RAB3C: variants seen among roughly 807,000 people sequenced by gnomAD.
RAB3C encodes the protein RAB3C, member RAS oncogene family.
RAB3C carries 17 observed loss-of-function variants against 26.4 expected under a neutral mutation model. The observed-to-expected ratio is 0.64, with a 90% CI of 0.44 to 0.97. RAB3C has a LOEUF of 0.97. Ranked by LOEUF, RAB3C falls within the 50% of genes least tolerant of loss-of-function variation. The pLI is 0.00. For synonymous variants in RAB3C, 91 were observed against 95.9 expected, an observed-to-expected ratio of 0.95 and a Z score of 0.30; for missense variants, 242 against 281.9, an observed-to-expected ratio of 0.86 and a Z score of 1.01.
chr5:58,632,304 A>T (rs1747199815), intron 2 of RAB3C, among the ~76,000 whole-genome samples: 1 of 152,218 alleles, frequency 6.6e-6, no homozygotes, highest in South Asian at 2.1e-4. Context: ...CAGACCTCAA[A>T]GTGTGGTCCC....
chr5:58,790,027 T>C (rs374816140), intron 3 of RAB3C, among the ~76,000 whole-genome samples: 1 of 152,354 alleles, frequency 6.6e-6, no homozygotes, highest in African/African-American at 2.4e-5. Context: ...GTGATCCTAA[T>C]ATGTAGCCAA....
At chr5:58,762,931 C>T (rs1741828302) in intron 3 of RAB3C, among the ~76,000 whole-genome samples, 1 of 152,008 alleles carries the variant, frequency 6.6e-6, no homozygotes, top group Non-Finnish European at 1.5e-5. Context: ...TTTCTTTACT[C>T]GTGATATGAG....
chr5:58,669,227 G>A (rs1368252228), intron 2 of RAB3C, among the ~76,000 whole-genome samples: 1 of 151,982 alleles, frequency 6.6e-6, no homozygotes, highest in Non-Finnish European at 1.5e-5. Context: ...ATAATTACAA[G>A]CAATGAGTAA....
chr5:58,611,491 C>A (rs1309414131), intron 1 of RAB3C, among the ~76,000 whole-genome samples: 2 of 151,890 alleles, frequency 1.3e-5, no homozygotes, highest in African/African-American at 4.8e-5. Flanking sequence ...GTGATGTTGA[C>A]CTTTTTTTCA....
chr5:58,668,733 T>A (rs942780844), intron 2 of RAB3C, among the ~76,000 whole-genome samples: 13 of 152,162 alleles, frequency 8.5e-5, no homozygotes, highest in Non-Finnish European at 1.9e-4. Flanking sequence ...CTAATCATTT[T>A]TTTTTCTAGT....
intron 2 of RAB3C, chr5:58,689,154 G>A (rs1359871247): frequency 6.6e-6 from 1 of 152,130 alleles, no homozygotes; most frequent in Admixed American, 6.6e-5. Flanking sequence ...GCTACTATGA[G>A]ACGAGACCAG....
At chr5:58,585,656 A>C (rs1376797171) in intron 1 of RAB3C, among the ~76,000 whole-genome samples, 4 of 152,102 alleles carry the variant, frequency 2.6e-5, no homozygotes, top group Admixed American at 6.5e-5. Flanking sequence ...AAAATCATGT[A>C]AGGTCTTTTA....
intron 3 of RAB3C, among the ~76,000 whole-genome samples, chr5:58,783,244 CA>C (rs1742308557): frequency 1.3e-5 from 2 of 152,076 alleles, no homozygotes; most frequent in Admixed American, 6.6e-5. Context: ...GATCAAGGGA[CA>C]TTTTTTTAGA....
intron 2 of RAB3C, among the ~76,000 whole-genome samples, chr5:58,725,562 T>C (rs969910229): frequency 1.5e-4 from 23 of 152,064 alleles, no homozygotes; most frequent in African/African-American, 5.5e-4. Context: ...CAATAATTTT[T>C]AGATTTGGTC....
intron 3 of RAB3C, among the ~76,000 whole-genome samples, chr5:58,763,135 T>C (rs1322420070): frequency 6.6e-6 from 1 of 152,142 alleles, no homozygotes; most frequent in African/African-American, 2.4e-5. Context: ...TTACAATGAA[T>C]TACAAAATAG....
At chr5:58,609,170 C>T (rs1213784852) in intron 1 of RAB3C, among the ~76,000 whole-genome samples, 2 of 152,068 alleles carry the variant, frequency 1.3e-5, no homozygotes, top group Non-Finnish European at 2.9e-5. Flanking sequence ...GCACATGTAC[C>T]TAGAACTTAA....
chr5:58,634,693 C>T lies in RAB3C; in HGVS notation c.252+16823C>T, dbSNP rs1436419892. Reference sequence around the variant, plus strand: ...AAAACTACTAAATCAGAGTGCCCCACCATCACCACCTCAGGTCACACCTCC... The same window carrying T: ...AAAACTACTAAATCAGAGTGCCCCATCATCACCACCTCAGGTCACACCTCC... On this transcript the variant is annotated intron_variant, in intron 2 of 4. Coordinates refer to ENST00000282878, the MANE Select transcript of RAB3C (RefSeq NM_138453.4). Among the ~76,000 whole-genome samples the T allele has an allele frequency of 2.6e-5, 4 of 152,140 alleles. No individual in the cohort carries two copies. In the East Asian group the frequency reaches 7.7e-4, roughly 29 times the overall value.
intron 3 of RAB3C, among the ~76,000 whole-genome samples, chr5:58,805,424 A>G (rs1014482900): frequency 6.6e-6 from 1 of 151,982 alleles, no homozygotes; most frequent in Non-Finnish European, 1.5e-5. Flanking sequence ...ATCCCTACTA[A>G]AAATACAAAA....
chr5:58,618,788 A>G (rs1003066534), intron 2 of RAB3C, among the ~76,000 whole-genome samples: 3 of 152,246 alleles, frequency 2.0e-5, no homozygotes, highest in Admixed American at 2.0e-4. Context: ...ATTCCTTTGT[A>G]CCTCTGCCAC....
At chr5:58,740,300 C>T (rs911950857) in intron 3 of RAB3C, among the ~76,000 whole-genome samples, 3 of 152,158 alleles carry the variant, frequency 2.0e-5, no homozygotes, top group Admixed American at 6.5e-5. Context: ...TTTGCAAGTT[C>T]GTGTTTTATT....
Position 58,858,815 on chromosome 5 carries a change from C to G in RAB3C, c.*7464C>G, listed in dbSNP as rs929965916. Reference sequence around the variant, plus strand: ...TGAGGAAGACAAGCTGTTGCATTATCATATTCCTCTGTGCTGAGCAGCTCA... The same window carrying G: ...TGAGGAAGACAAGCTGTTGCATTATGATATTCCTCTGTGCTGAGCAGCTCA... On this transcript the variant is annotated 3_prime_UTR_variant, in exon 5 of 5. Coordinates refer to ENST00000282878, the MANE Select transcript of RAB3C (RefSeq NM_138453.4). The G allele has an allele frequency of 6.6e-6, 1 of 152,210 alleles. No homozygotes were observed. The highest frequency in any genetic ancestry group is 2.4e-5 in the African/African-American group (1 of 41,458). The allele number at this position is 152,210 out of a possible 1,614,324, so 9.4% of individuals were successfully genotyped here.
At chr5:58,590,010 T>C (rs1473993490) in intron 1 of RAB3C, among the ~76,000 whole-genome samples, 3 of 152,218 alleles carry the variant, frequency 2.0e-5, no homozygotes, top group Non-Finnish European at 4.4e-5. Context: ...TTTCCTAGAC[T>C]GTCCAGATCA....
chr5:58,706,072 A>T (rs938867154), intron 2 of RAB3C, among the ~76,000 whole-genome samples: 2 of 152,232 alleles, frequency 1.3e-5, no homozygotes, highest in Non-Finnish European at 2.9e-5. Flanking sequence ...AAATGCAAAT[A>T]AAAATAATCA....
Position 58,629,319 on chromosome 5 carries a change from A to T in RAB3C, c.252+11449A>T, listed in dbSNP as rs187381826. 1.4e-4 allele frequency among the ~76,000 whole-genome samples: 22 copies of T among 152,302 alleles called. No homozygotes were observed. The East Asian group carries it at 4.2e-3, about 29-fold the overall frequency. On this transcript the variant is annotated intron_variant, in intron 2 of 4. Coordinates refer to ENST00000282878, the MANE Select transcript of RAB3C (RefSeq NM_138453.4). ...GCCCCTGGGCTATGTATAGCTGGAC[A>T]GTATAAAGGAAGCAGCTGGAGAGCC... is the stretch of plus-strand genomic sequence containing the variant.
Sources: gnomAD v4.1 joint callset for allele counts (sites outside exome capture counted in the v4.1 genomes callset) on GRCh38, gnomAD v4.1.1 for gene constraint, MANE v1.5 for transcripts, NCBI Gene and HGNC (gene_info 2026-07-23, HGNC 2026-07-21) for gene names.